The following ISLR2 variants were observed in gnomAD, a reference collection of about 807,000 sequenced individuals.
The protein encoded by ISLR2 is immunoglobulin superfamily containing leucine-rich repeat protein 2.
ISLR2 carries 16 observed loss-of-function variants against 25.5 expected under a neutral mutation model. The observed-to-expected ratio is 0.63, with a 90% CI of 0.43 to 0.95. The LOEUF is 0.95. ISLR2 is among the 40% of genes least tolerant of loss of function. ISLR2 has a pLI of 0.00. For synonymous variants in ISLR2, 508 were observed against 486.6 expected, an observed-to-expected ratio of 1.04 and a Z score of -0.58; for missense variants, 883 against 1,030.7, an observed-to-expected ratio of 0.86 and a Z score of 1.96.
At chr15:74,123,811 C>A (rs192946579), upstream of ISLR2, among the ~76,000 whole-genome samples, 4 of 152,238 alleles carry the variant, frequency 2.6e-5, no homozygotes, top group East Asian at 7.7e-4. Context: ...TGGATCCCAG[C>A]ACAGGCATTT....
At chr15:74,126,893 CATTT>C (rs1229245691), upstream of ISLR2, 4 of 125,942 alleles carry the variant, frequency 3.2e-5, no homozygotes, top group African/African-American at 1.2e-4. Context: ...CTGGAGAGAA[CATTT>C]GTGTGTGTGT....
At chr15:74,138,898 C>T (rs538887587), downstream of ISLR2, among the ~76,000 whole-genome samples, 7 of 152,344 alleles carry the variant, frequency 4.6e-5, no homozygotes, top group Admixed American at 3.3e-4. Context: ...AATCCAGCCA[C>T]GTGATTGCTT....
chr15:74,105,883 G>C (rs1230824850), intron 2 of ISLR2, among the ~76,000 whole-genome samples: 1 of 152,112 alleles, frequency 6.6e-6, no homozygotes, highest in Non-Finnish European at 1.5e-5. Flanking sequence ...ATACAGAAAT[G>C]TGTAAGAATA....
At chr15:74,131,420 A>C (rs1421975404) in intron 2 of ISLR2, 104 bp downstream of exon 2, 1 of 152,748 alleles carries the variant, frequency 6.5e-6, no homozygotes, top group East Asian at 1.9e-4. Flanking sequence ...TCTGGCAGGA[A>C]CCGGGAAGGG....
At chr15:74,118,945 C>A (rs138907493) in intron 2 of ISLR2, among the ~76,000 whole-genome samples, 2,393 of 152,118 alleles carry the variant, frequency 0.016, 76 homozygotes, top group African/African-American at 0.055. Flanking sequence ...GTCTGAGCCA[C>A]CGCACCTGGC....
chr15:74,124,980 C>T (rs2141940013), upstream of ISLR2, among the ~76,000 whole-genome samples: 1 of 152,318 alleles, frequency 6.6e-6, no homozygotes, highest in African/African-American at 2.4e-5. Context: ...AGACGATACA[C>T]TTAATACTTT....
At chr15:74,129,169 G>T (rs2072350893), upstream of ISLR2, 4 of 411,536 alleles carry the variant, frequency 9.7e-6, no homozygotes, top group East Asian at 7.1e-5. This position sits in a 1 kb window ranked among gnomAD's most constrained non-coding sequence, Gnocchi z 4.5. Flanking sequence ...AGCAAGATGC[G>T]ATGGTCTCAG....
upstream of ISLR2, among the ~76,000 whole-genome samples, chr15:74,124,764 GA>G (rs989374489): frequency 3.4e-4 from 51 of 149,528 alleles, no homozygotes; most frequent in Middle Eastern, 3.4e-3. Flanking sequence ...CATCTAAAAA[GA>G]AAAAAAAACA....
At chr15:74,128,547 G>A (rs1381239419), upstream of ISLR2, 1 of 456,532 alleles carries the variant, frequency 2.2e-6, no homozygotes, top group Non-Finnish European at 4.4e-6. Flanking sequence ...TTGCTTATAG[G>A]ACGGGTTCCT....
chr15:74,137,663 A>T (rs2072583980), downstream of ISLR2, among the ~76,000 whole-genome samples: 1 of 152,228 alleles, frequency 6.6e-6, no homozygotes. Flanking sequence ...AGATGGGAAG[A>T]GGCGGGGAAG....
chr15:74,109,739 G>A (rs1332574542), intron 2 of ISLR2, among the ~76,000 whole-genome samples: 1 of 152,186 alleles, frequency 6.6e-6, no homozygotes, highest in African/African-American at 2.4e-5. Flanking sequence ...TCATGGGGAT[G>A]CTGATGCTGT....
At chr15:74,111,594 T>C (rs2141930062) in intron 2 of ISLR2, among the ~76,000 whole-genome samples, 1 of 119,662 alleles carries the variant, frequency 8.4e-6, no homozygotes, top group South Asian at 2.8e-4. Context: ...AGGCCTCTAT[T>C]CATTCATTCA....
chr15:74,117,716 C>T (rs1017613327), intron 2 of ISLR2, among the ~76,000 whole-genome samples: 3 of 152,126 alleles, frequency 2.0e-5, no homozygotes, highest in Admixed American at 2.0e-4. Flanking sequence ...CCACCCTAGT[C>T]AACTGCCTAT....
chr15:74,133,916 C>T lies in ISLR2; in HGVS notation c.1162C>T (p.Pro388Ser). ...ACACGCGCCTGGCGCCGGGGGAGAACCCGACGGACAGGCCCCGACCTCTGA... is the reference window on the plus strand; with the variant it reads ...ACACGCGCCTGGCGCCGGGGGAGAATCCGACGGACAGGCCCCGACCTCTGA... ...PKHAPGAGGE[P>S]DGQAPTSERK... The change falls in exon 3 of 3, where the codon CCC (proline) becomes TCC (serine). Residue 388 changes from proline to serine, a missense_variant. Around this residue, in one of 2 missense-constraint regions of ISLR2, gnomAD observed 612 missense variants for 642.8 expected, o/e 0.95. Coordinates refer to ENST00000453268, the MANE Select transcript of ISLR2 (RefSeq NM_020851.3). 2 of 1,604,262 alleles carry T rather than the reference C, an allele frequency of 1.2e-6. No individual in the cohort carries two copies. Among genetic ancestry groups the T allele is most frequent in the Non-Finnish European group, 1.7e-6 (2 of 1,175,574 alleles).
rs1457687372 is a variant in ISLR2, at chr15:74,133,311, G to T, written c.557G>T (p.Gly186Val). 3.1e-6 allele frequency: 5 copies of T among 1,610,214 alleles called. No homozygotes were observed. The highest frequency in any genetic ancestry group is 3.4e-6 in the Non-Finnish European group (4 of 1,179,884). ...CTCTATCACAATCCCTTCCACTGCG[G>T]CTGCGGCCTTGTGTGGCTGCAGGCC... ...LQLYHNPFHCGCGLVWLQAWA... is the reference protein window; with the variant it reads ...LQLYHNPFHCVCGLVWLQAWA... Residue 186 changes from glycine to valine, a missense_variant, in exon 3 of 3, where the codon GGC becomes GTC. Gly to Val is a moderately radical substitution (Grantham distance 109). Coordinates refer to ENST00000453268, the MANE Select transcript of ISLR2 (RefSeq NM_020851.3).
At position 74,133,108 on chromosome 15, in the gene ISLR2, C is replaced by A. The variant is rs1312603881; in HGVS notation, c.354C>A (p.Asp118Glu). 21 of 1,612,608 alleles carry A rather than the reference C, an allele frequency of 1.3e-5. No homozygotes were observed. Among genetic ancestry groups the A allele is most frequent in the Non-Finnish European group, 1.7e-5 (20 of 1,180,012 alleles). Residue 118 changes from aspartate (D) to glutamate (E), a missense_variant, in exon 3 of 3, where the codon GAC becomes GAA. This residue lies in a region of ISLR2 where 271 missense variants were observed against 387.9 expected (regional missense o/e 0.70). Transcript: ENST00000453268. ...HNFISSFPWS[D>E]LRNLSALQLL... ...TCATATCCAGCTTTCCGTGGAGCGA[C>A]CTGCGCAACCTGAGCGCGCTGCAGC...
At chr15:74,128,802 C>G (rs1310084500), upstream of ISLR2, 81 of 413,172 alleles carry the variant, frequency 2.0e-4, 2 homozygotes, top group South Asian at 1.2e-3. Context: ...GGCACAGGCT[C>G]CCAAGACCGC....
At chr15:74,128,611 C>T (rs149788479), upstream of ISLR2, 836 of 456,690 alleles carry the variant, frequency 1.8e-3, 1 homozygote, top group South Asian at 2.8e-3. Flanking sequence ...TTCCATTACC[C>T]AGATTCTGCC....
rs1432920824 is a variant in ISLR2 at position 74,133,902 on chromosome 15, GCGC to G, written c.1151_1153del (p.Ala384del). The G allele has an allele frequency of 6.2e-7, 1 of 1,605,890 alleles. No homozygotes were observed. The highest frequency in any genetic ancestry group is 8.5e-7 in the Non-Finnish European group (1 of 1,176,510). On this transcript the variant is annotated inframe_deletion, in exon 3 of 3. Coordinates refer to ENST00000453268, the MANE Select transcript of ISLR2 (RefSeq NM_020851.3). ...ACCGGGCCCCCAAAACACGCGCCTG[GCGC>G]CGGGGGAGAACCCGACGGACAGGCC...
Sources: gnomAD v4.1 joint callset for allele counts (sites outside exome capture counted in the v4.1 genomes callset) on GRCh38, gnomAD v4.1.1 for gene constraint, gnomAD v4.1.1 regional missense constraint, Gnocchi (gnomAD v3.1) non-coding constraint, MANE v1.5 for transcripts, NCBI Gene and HGNC (gene_info 2026-07-23, HGNC 2026-07-21) for gene names.